The following LTF variants were observed in gnomAD, a reference collection of about 807,000 sequenced individuals.
LTF encodes lactotransferrin.
A neutral mutation model predicts 87.2 loss-of-function variants in LTF; 91 were observed. The ratio of observed to expected loss-of-function variants is 1.04; its 90% CI spans 0.88 to 1.24. The LOEUF (loss-of-function observed/expected upper bound fraction) is 1.24. Among genes scored for constraint, LTF ranks in the 50% most tolerant of loss-of-function variants. The pLI is 0.00. For synonymous variants in LTF, 378 were observed against 356.1 expected, an observed-to-expected ratio of 1.06 and a Z score of -0.69; for missense variants, 901 against 904.3, an observed-to-expected ratio of 1.00 and a Z score of 0.05.
chr3:46,455,537 C>T, intron 4 of LTF, 95 bp from the exon 5 acceptor site: 3 of 1,451,574 alleles, frequency 2.1e-6, no homozygotes, highest in Non-Finnish European at 2.8e-6. Flanking sequence ...GGCAAGGCCC[C>T]TTCCTCCACC....
At chr3:46,471,846 G>A (rs1703290469) in intron 1 of LTF, among the ~76,000 whole-genome samples, 1 of 152,206 alleles carries the variant, frequency 6.6e-6, no homozygotes, top group African/African-American at 2.4e-5. Flanking sequence ...AGGGCACCGG[G>A]AGAGTATCAG....
At chr3:46,440,883 A>G (rs1481304535) in intron 14 of LTF, among the ~76,000 whole-genome samples, 1 of 152,226 alleles carries the variant, frequency 6.6e-6, no homozygotes, top group Non-Finnish European at 1.5e-5. Context: ...TTGTTCAAAC[A>G]TTGGCTGGAA....
At chr3:46,456,012 G>C (rs201065284) in intron 3 of LTF, 34 bp from the exon 4 acceptor site, 15 of 1,523,958 alleles carry the variant, frequency 9.8e-6, no homozygotes, top group Middle Eastern at 1.8e-4. Flanking sequence ...AAAGTTCTTA[G>C]CCTGGACAAG....
chr3:46,465,699 C>T (rs1703196579), upstream of LTF, among the ~76,000 whole-genome samples: 1 of 152,076 alleles, frequency 6.6e-6, no homozygotes, highest in South Asian at 2.1e-4. Flanking sequence ...TAACAATCGC[C>T]ATAAATGTCA....
upstream of LTF, among the ~76,000 whole-genome samples, chr3:46,465,681 C>A (rs1703196358): frequency 6.6e-6 from 1 of 151,958 alleles, no homozygotes; most frequent in Non-Finnish European, 1.5e-5. Context: ...GAAATGGTAA[C>A]CTCATTTTAA....
chr3:46,456,269 G>T (rs371903602), intron 3 of LTF, 21 bp downstream of exon 3: 2 of 1,607,100 alleles, frequency 1.2e-6, no homozygotes, highest in South Asian at 1.1e-5. Context: ...CGTGGCCTCT[G>T]GGTCCCCAGG....
chr3:46,454,165 C>A, intron 6 of LTF, 140 bp downstream of exon 6: 1 of 766,036 alleles, frequency 1.3e-6, no homozygotes, highest in South Asian at 1.6e-5. Flanking sequence ...TATGAAAGAT[C>A]ATAAAATCAG....
rs1361508758 is a variant in LTF, at chr3:46,436,016, T to C, written c.*179A>G. On this transcript the variant is annotated 3_prime_UTR_variant, in exon 17 of 17. Coordinates refer to ENST00000231751, the MANE Select transcript of LTF (RefSeq NM_002343.6). Reference sequence around the variant, plus strand: ...TGAGTGACACTTTATAAGGAGAGAATATCAACAAAATTTCTCATTTTACTT... The same window carrying C: ...TGAGTGACACTTTATAAGGAGAGAACATCAACAAAATTTCTCATTTTACTT... The C allele has an allele frequency of 1.6e-6, 1 of 621,880 alleles. No homozygotes were observed. Among genetic ancestry groups the C allele is most frequent in the East Asian group, 2.7e-5 (1 of 36,786 alleles). The allele number at this position is 621,880 out of a possible 1,614,324, so 38.5% of individuals were successfully genotyped here. A position where few individuals can be genotyped will look rare whatever the true frequency, so the allele number is the denominator to read the frequency against.
At chr3:46,472,261 G>A (rs1185589057) in intron 1 of LTF, among the ~76,000 whole-genome samples, 1 of 151,636 alleles carries the variant, frequency 6.6e-6, no homozygotes, top group African/African-American at 2.4e-5. Context: ...ACCCTCCCAA[G>A]GCCATGTGGC....
intron 9 of LTF, among the ~76,000 whole-genome samples, chr3:46,447,936 A>T (rs1702696953): frequency 6.6e-6 from 1 of 152,206 alleles, no homozygotes; most frequent in African/African-American, 2.4e-5. Context: ...AAAAATAGAG[A>T]AGTGGACAAA....
intron 1 of LTF, among the ~76,000 whole-genome samples, chr3:46,461,514 G>C (rs1417423165): frequency 6.6e-6 from 1 of 152,206 alleles, no homozygotes; most frequent in East Asian, 1.9e-4. Flanking sequence ...TATGCTCAGT[G>C]AAGGAAGCCA....
intron 1 of LTF, among the ~76,000 whole-genome samples, chr3:46,475,078 G>A (rs1429074921): frequency 6.6e-6 from 1 of 152,058 alleles, no homozygotes; most frequent in Non-Finnish European, 1.5e-5. Context: ...CCTAAAGCAA[G>A]CAAAAGAAAG....
chr3:46,479,626 C>T (rs757711859), intron 1 of LTF, among the ~76,000 whole-genome samples: 13 of 152,172 alleles, frequency 8.5e-5, no homozygotes, highest in Non-Finnish European at 1.5e-4. Flanking sequence ...AGGGTTCAAG[C>T]GATTCTCCTG....
intron 2 of LTF, among the ~76,000 whole-genome samples, chr3:46,457,663 G>T (rs919683739): frequency 2.6e-5 from 4 of 152,204 alleles, no homozygotes; most frequent in East Asian, 1.9e-4. Flanking sequence ...AATCGCTCAG[G>T]TCTGATTAGT....
chr3:46,446,578 A>G, intron 10 of LTF, 85 bp from the exon 11 acceptor site: 1 of 1,192,280 alleles, frequency 8.4e-7, no homozygotes, highest in Non-Finnish European at 1.2e-6. Flanking sequence ...ATGATGCAGA[A>G]TCAAATCCAA....
chr3:46,441,376 G>C, intron 14 of LTF, 40 bp downstream of exon 14: 1 of 1,529,778 alleles, frequency 6.5e-7, no homozygotes, highest in Non-Finnish European at 9.0e-7. Context: ...TGATGCCAAA[G>C]ACTCTGCTTT....
chr3:46,442,800 A>C (rs1454379269), intron 13 of LTF, among the ~76,000 whole-genome samples: 1 of 152,188 alleles, frequency 6.6e-6, no homozygotes, highest in Non-Finnish European at 1.5e-5. Flanking sequence ...AATGGAGGAA[A>C]AGGAACAGGG....
chr3:46,455,080 T>C (rs1702893305), intron 5 of LTF, among the ~76,000 whole-genome samples: 1 of 152,164 alleles, frequency 6.6e-6, no homozygotes, highest in African/African-American at 2.4e-5. Flanking sequence ...CCCGTGGGGC[T>C]GGTGAGAAGT....
At chr3:46,463,602 G>T in intron 1 of LTF, 1 of 985,506 alleles carries the variant, frequency 1.0e-6, no homozygotes, top group Non-Finnish European at 1.2e-6. Context: ...ACCTCAGTAG[G>T]CGCCAAAACA....
Sources: allele counts gnomAD v4.1 joint callset (sites outside exome capture counted in the v4.1 genomes callset), GRCh38; gene constraint gnomAD v4.1.1; transcripts MANE v1.5; gene names NCBI Gene and HGNC (gene_info 2026-07-23, HGNC 2026-07-21).